Variants in SUMF1 observed in about 807,000 individuals in gnomAD.
SUMF1 encodes the protein formylglycine-generating enzyme.
Under a neutral mutation model 47.6 loss-of-function variants are expected in SUMF1, and 48 were observed. The observed-to-expected ratio is 1.01, with a 90% CI of 0.80 to 1.28. The LOEUF (loss-of-function observed/expected upper bound fraction) is 1.28, where lower values mean the gene tolerates loss of function less well. Among genes scored for constraint, SUMF1 ranks in the 50% most tolerant of loss-of-function variants. The probability of loss-of-function intolerance (pLI) is 0.00; values close to 1 mark genes in which losing one functional copy is unlikely to be tolerated. For synonymous variants in SUMF1, 230 were observed against 192.1 expected (o/e 1.20, Z -1.63); for missense variants, 571 against 485.4 (o/e 1.18, Z -1.66).
chr3:4,173,212 A>G (rs1052404622), intron 8 of SUMF1, among the ~76,000 whole-genome samples: 4 of 152,172 alleles, frequency 2.6e-5, no homozygotes, highest in Non-Finnish European at 4.4e-5. Flanking sequence ...ATTGCTCTAT[A>G]TATCTCTTTT....
chr3:4,143,591 T>A lies in SUMF1; in HGVS notation c.1015-74846A>T, dbSNP rs545934164. 3.3e-5 allele frequency among the ~76,000 whole-genome samples: 5 copies of A among 152,288 alleles called. No individual in the cohort carries two copies. In the South Asian group the frequency reaches 1.0e-3, roughly 32 times the overall value. On this transcript the variant is annotated intron_variant and NMD_transcript_variant, in intron 8 of 12. Coordinates refer to the SUMF1 transcript ENST00000448413. ...AATCAAACGATATTCATGAGCCCTC[T>A]CTGTGAACTAAAAACCCATTTTCTG...
chr3:4,330,625 G>T (rs142262470), intron 8 of SUMF1, among the ~76,000 whole-genome samples: 1,697 of 152,330 alleles, frequency 0.011, 23 homozygotes, highest in African/African-American at 0.037. Flanking sequence ...TTCAAGGTGA[G>T]ATTTGGGTGG....
intron 8 of SUMF1, among the ~76,000 whole-genome samples, chr3:4,251,259 T>C (rs1241965535): frequency 2.0e-5 from 3 of 152,140 alleles, no homozygotes; most frequent in Non-Finnish European, 2.9e-5. Context: ...AAATAGCAAA[T>C]GAACTAGAAT....
chr3:4,191,165 C>G (rs1216961470), intron 8 of SUMF1, among the ~76,000 whole-genome samples: 1 of 152,116 alleles, frequency 6.6e-6, no homozygotes, highest in Non-Finnish European at 1.5e-5. Flanking sequence ...CCAGGAAACT[C>G]ATCTTGAGGC....
chr3:4,161,732 T>C (rs1694581567), intron 8 of SUMF1, among the ~76,000 whole-genome samples: 1 of 152,056 alleles, frequency 6.6e-6, no homozygotes, highest in African/African-American at 2.4e-5. Flanking sequence ...GGTCCAGAAA[T>C]GCCATCTAAG....
intron 8 of SUMF1, among the ~76,000 whole-genome samples, chr3:4,196,391 G>A (rs1485249): frequency 0.32 from 48,476 of 151,850 alleles, 7,838 homozygotes; most frequent in East Asian, 0.4. Context: ...GGCTTCATGG[G>A]GGGAAGCTTT....
At chr3:4,304,560 G>A (rs1324477916) in intron 8 of SUMF1, among the ~76,000 whole-genome samples, 1 of 152,222 alleles carries the variant, frequency 6.6e-6, no homozygotes, top group Non-Finnish European at 1.5e-5. Context: ...ATGGTTCGGA[G>A]CTTAGACATC....
At chr3:4,245,025 G>C (rs1448101185) in intron 8 of SUMF1, among the ~76,000 whole-genome samples, 4 of 151,602 alleles carry the variant, frequency 2.6e-5, no homozygotes, top group African/African-American at 9.7e-5. Flanking sequence ...CCGCTTGATG[G>C]TGTTGGCTAC....
At chr3:4,253,180 CT>C (rs1485259395) in intron 8 of SUMF1, among the ~76,000 whole-genome samples, 1 of 152,174 alleles carries the variant, frequency 6.6e-6, no homozygotes, top group Non-Finnish European at 1.5e-5. Context: ...TTGTATTCCT[CT>C]CAAGAAGGGA....
chr3:4,403,473 G>T lies in SUMF1; in HGVS notation c.954+7392C>A, dbSNP rs930888379. ...TTATTCAGAGGAATGTAACTGGGTTGCCCTGAATTGCAAACCCAGTTATCC... is the reference window on the plus strand; with the variant it reads ...TTATTCAGAGGAATGTAACTGGGTTTCCCTGAATTGCAAACCCAGTTATCC... On this transcript the variant is annotated intron_variant, in intron 7 of 8. Transcript: ENST00000272902. Among the ~76,000 whole-genome samples, 8 of 152,244 alleles carry T rather than the reference G, an allele frequency of 5.3e-5. 1 individual carries two copies. Among genetic ancestry groups the T allele is most frequent in the Middle Eastern group, 3.4e-3 (1 of 294 alleles).
chr3:4,398,132 T>C (rs1701095037), intron 7 of SUMF1, among the ~76,000 whole-genome samples: 1 of 152,166 alleles, frequency 6.6e-6, no homozygotes, highest in African/African-American at 2.4e-5. Flanking sequence ...CATCATGCTA[T>C]ACTTCCTCCT....
chr3:4,155,281 A>G (rs1194344490), intron 8 of SUMF1, among the ~76,000 whole-genome samples: 1 of 151,390 alleles, frequency 6.6e-6, no homozygotes, highest in African/African-American at 2.5e-5. Context: ...CAGGTATGGT[A>G]GATATTTGCT....
intron 8 of SUMF1, among the ~76,000 whole-genome samples, chr3:4,198,192 G>C (rs1421918553): frequency 6.6e-6 from 1 of 152,048 alleles, no homozygotes; most frequent in African/African-American, 2.4e-5. Context: ...TAAACAAAGA[G>C]TGGAAATAAA....
At chr3:4,052,690 C>T (rs918516081) in intron 9 of SUMF1, among the ~76,000 whole-genome samples, 1 of 152,166 alleles carries the variant, frequency 6.6e-6, no homozygotes, top group Non-Finnish European at 1.5e-5. Flanking sequence ...ATCTTCTTCT[C>T]GTGATACCCT....
At chr3:4,312,468 A>C (rs1489785248) in intron 8 of SUMF1, among the ~76,000 whole-genome samples, 1 of 152,096 alleles carries the variant, frequency 6.6e-6, no homozygotes, top group East Asian at 1.9e-4. Context: ...ATGTGTACCT[A>C]TATATAACAT....
At chr3:4,456,711 TATATAC>T (rs1366083141) in intron 1 of SUMF1, among the ~76,000 whole-genome samples, 17 of 136,652 alleles carry the variant, frequency 1.2e-4, no homozygotes, top group African/African-American at 4.6e-4. Context: ...TATACGTATA[TATATAC>T]ATATATATAC....
chr3:4,087,930 A>C (rs1486054491), intron 8 of SUMF1, among the ~76,000 whole-genome samples: 1 of 152,088 alleles, frequency 6.6e-6, no homozygotes, highest in African/African-American at 2.4e-5. Flanking sequence ...CAGCCTGAAA[A>C]AGTTTTTGAA....
intron 8 of SUMF1, among the ~76,000 whole-genome samples, chr3:4,108,625 T>C: frequency 6.6e-6 from 1 of 152,122 alleles, no homozygotes; most frequent in Non-Finnish European, 1.5e-5. Flanking sequence ...GGTGCATATA[T>C]ATTTAGGATA....
downstream of SUMF1, among the ~76,000 whole-genome samples, chr3:4,359,317 GC>G (rs1699690579): frequency 6.6e-6 from 1 of 152,104 alleles, no homozygotes; most frequent in Non-Finnish European, 1.5e-5. Context: ...TTGCTCTGTT[GC>G]CCAGGCTGGA....
Sources: gnomAD v4.1 joint callset for allele counts (sites outside exome capture counted in the v4.1 genomes callset) on GRCh38, gnomAD v4.1.1 for gene constraint, MANE v1.5 for transcripts, NCBI Gene and HGNC (gene_info 2026-07-23, HGNC 2026-07-21) for gene names.